Variants in MYLK observed in about 807,000 individuals in gnomAD.
MYLK encodes the protein myosin light chain kinase.
MYLK carries 106 observed loss-of-function variants against 203.4 expected under a neutral mutation model. The ratio of observed to expected loss-of-function variants is 0.52; its 90% CI spans 0.45 to 0.61. The LOEUF (loss-of-function observed/expected upper bound fraction) is 0.61. Among genes scored for constraint, MYLK ranks in the 20% least tolerant of loss-of-function variants. The pLI, the probability that MYLK is intolerant of heterozygous loss-of-function variation, is 0.00. For synonymous variants in MYLK, 867 were observed against 959.5 expected, an observed-to-expected ratio of 0.90 and a Z score of 1.78; for missense variants, 2,072 against 2,442.3, an observed-to-expected ratio of 0.85 and a Z score of 3.20.
intron 3 of MYLK, among the ~76,000 whole-genome samples, chr3:123,819,193 C>T (rs1417078642): frequency 1.3e-5 from 2 of 152,234 alleles, no homozygotes; most frequent in Admixed American, 1.3e-4. Flanking sequence ...GAGGCACTGA[C>T]TGCCTTTGTT....
chr3:123,772,550 A>G (rs2063918250), intron 4 of MYLK, among the ~76,000 whole-genome samples: 1 of 152,148 alleles, frequency 6.6e-6, no homozygotes, highest in South Asian at 2.1e-4. Flanking sequence ...GCATAAAGAT[A>G]TGTGAACACT....
chr3:123,766,157 T>G (rs979640183), intron 4 of MYLK, among the ~76,000 whole-genome samples: 2 of 152,218 alleles, frequency 1.3e-5, no homozygotes, highest in African/African-American at 4.8e-5. Context: ...CTGTTTCAAT[T>G]AGCTATATGT....
chr3:123,859,303 G>A (rs1462502677), intron 2 of MYLK, among the ~76,000 whole-genome samples: 1 of 152,228 alleles, frequency 6.6e-6, no homozygotes, highest in Admixed American at 6.5e-5. Context: ...TGGGTCCCAT[G>A]GTGAAAGTTT....
chr3:123,685,326 C>T (rs529550297), intron 19 of MYLK, among the ~76,000 whole-genome samples: 4 of 152,342 alleles, frequency 2.6e-5, no homozygotes, highest in Non-Finnish European at 4.4e-5. Flanking sequence ...AGCGTGGTGG[C>T]TCACGCCTGT....
intron 2 of MYLK, among the ~76,000 whole-genome samples, chr3:123,869,270 C>T (rs1358119620): frequency 1.3e-5 from 2 of 152,090 alleles, no homozygotes; most frequent in South Asian, 2.1e-4. Context: ...GGAGGTGACT[C>T]TCCTCACTCC....
At chr3:123,647,456 G>A (rs762600401) in intron 26 of MYLK, 29 bp from the exon 27 acceptor site, 1 of 1,605,756 alleles carries the variant, frequency 6.2e-7, no homozygotes, top group Non-Finnish European at 8.5e-7. Flanking sequence ...GGAGAGAAAA[G>A]CCACATTTAG....
chr3:123,664,039 T>A, intron 23 of MYLK, 66 bp downstream of exon 23: 1 of 1,607,762 alleles, frequency 6.2e-7, no homozygotes, highest in Non-Finnish European at 8.5e-7. Flanking sequence ...GGCCCACGTA[T>A]CTTGCCTGGG....
intron 21 of MYLK, 51 bp downstream of exon 21, chr3:123,667,086 C>G: frequency 6.4e-7 from 1 of 1,574,104 alleles, no homozygotes; most frequent in Non-Finnish European, 8.7e-7. Flanking sequence ...AAAGGCAAAA[C>G]CCCCATGGTA....
At chr3:123,798,345 A>G (rs1449787022) in intron 3 of MYLK, among the ~76,000 whole-genome samples, 2 of 152,180 alleles carry the variant, frequency 1.3e-5, no homozygotes, top group East Asian at 1.9e-4. Context: ...TGCAATAGGC[A>G]GAGGGTTGGG....
At chr3:123,845,696 C>T (rs544339092) in intron 2 of MYLK, among the ~76,000 whole-genome samples, 19 of 152,148 alleles carry the variant, frequency 1.2e-4, no homozygotes, top group East Asian at 7.7e-4. Flanking sequence ...TGCTCTGTAG[C>T]GCAGGCTGGA....
intron 31 of MYLK, among the ~76,000 whole-genome samples, chr3:123,625,467 CG>C: frequency 7.0e-6 from 1 of 142,146 alleles, no homozygotes; most frequent in East Asian, 2.1e-4. Context: ...GACTTTGTCT[CG>C]AGGAAAAAAA....
intron 4 of MYLK, among the ~76,000 whole-genome samples, chr3:123,779,901 G>T (rs1326779245): frequency 1.3e-5 from 2 of 152,298 alleles, no homozygotes; most frequent in Middle Eastern, 3.4e-3. Context: ...GAGGGTGTGG[G>T]AAGTGCAGAT....
chr3:123,850,258 G>A (rs947934620), intron 2 of MYLK, among the ~76,000 whole-genome samples: 5 of 152,090 alleles, frequency 3.3e-5, no homozygotes, highest in Non-Finnish European at 4.4e-5. Flanking sequence ...GGTATATACC[G>A]AGTAATGGGA....
At chr3:123,861,157 A>AAAAAC (rs1560298465) in intron 2 of MYLK, among the ~76,000 whole-genome samples, 9 of 151,710 alleles carry the variant, frequency 5.9e-5, no homozygotes, top group African/African-American at 2.2e-4. Context: ...CAAAAAAAAA[A>AAAAAC]AACTGATTGG....
intron 16 of MYLK, 35 bp downstream of exon 16, chr3:123,707,719 G>T: frequency 6.2e-7 from 1 of 1,613,768 alleles, no homozygotes; most frequent in South Asian, 1.1e-5. Flanking sequence ...TTGGAGGGAA[G>T]GGTTAAGGGA....
At chr3:123,744,654 A>C (rs2062961509) in intron 5 of MYLK, among the ~76,000 whole-genome samples, 2 of 152,210 alleles carry the variant, frequency 1.3e-5, no homozygotes, top group Non-Finnish European at 2.9e-5. Flanking sequence ...ATCTCACCTT[A>C]CCTTGAAATA....
intron 30 of MYLK, among the ~76,000 whole-genome samples, chr3:123,628,376 C>G (rs2058257592): frequency 6.6e-6 from 1 of 152,190 alleles, no homozygotes; most frequent in Non-Finnish European, 1.5e-5. Flanking sequence ...TGCAAAGTCA[C>G]CTGGGAGTGC....
intron 3 of MYLK, among the ~76,000 whole-genome samples, chr3:123,816,583 A>T (rs1339745364): frequency 6.6e-6 from 1 of 152,272 alleles, no homozygotes; most frequent in Admixed American, 6.5e-5. Flanking sequence ...TTGGCCAGAA[A>T]AGTTAATAAC....
intron 13 of MYLK, among the ~76,000 whole-genome samples, chr3:123,712,473 C>T (rs1054828087): frequency 3.3e-5 from 5 of 152,228 alleles, no homozygotes; most frequent in Admixed American, 2.0e-4. Context: ...AGCGCACTCC[C>T]CTTTAAGCCT....
Sources: allele counts gnomAD v4.1 joint callset (sites outside exome capture counted in the v4.1 genomes callset), GRCh38; gene constraint gnomAD v4.1.1; transcripts MANE v1.5; gene names NCBI Gene and HGNC (gene_info 2026-07-23, HGNC 2026-07-21).